STON1: variants seen among roughly 807,000 people sequenced by gnomAD.
STON1 encodes the protein stonin-1.
Under a neutral mutation model 60.9 loss-of-function variants are expected in STON1, and 79 were observed. The observed-to-expected ratio is 1.30, with a 90% confidence interval of 1.08 to 1.56. STON1 has a LOEUF of 1.56. STON1 is among the 40% of genes most tolerant of loss of function. STON1 has a pLI of 0.00. For missense variants in STON1, 1,166 were observed against 858.9 expected (o/e 1.36, Z -4.47); for synonymous variants, 363 against 306.9 (o/e 1.18, Z -1.91).
At chr2:48,551,661 G>T (rs776745264) in intron 1 of STON1, among the ~76,000 whole-genome samples, 18 of 152,238 alleles carry the variant, frequency 1.2e-4, no homozygotes, top group Non-Finnish European at 2.5e-4. Flanking sequence ...GAAGCAGTTA[G>T]TCTCCCGCAT....
rs1176086057 is a variant in STON1 at position 48,557,710 on chromosome 2, A to T, written c.-47-22877A>T. On this transcript the variant is annotated intron_variant, in intron 1 of 3. Coordinates refer to ENST00000404752, the MANE Select transcript of STON1 (RefSeq NM_006873.4). ...CACCTCGGGAGGCCGAGGTTGGCGG[A>T]TCACTCGCGGTTAGGGGCTAAGTGC... is the stretch of plus-strand genomic sequence containing the variant. Among the ~76,000 whole-genome samples the T allele has an allele frequency of 2.9e-5, 2 of 68,994 alleles. 1 individual carries two copies. Among genetic ancestry groups the T allele is most frequent in the East Asian group, 1.0e-3 (2 of 1,910 alleles). The allele number at this position is 68,994 out of a possible 152,430, so 45.3% of individuals were successfully genotyped here.
intron 1 of STON1, among the ~76,000 whole-genome samples, chr2:48,535,235 A>G (rs1419662254): frequency 6.7e-6 from 1 of 149,724 alleles, no homozygotes; most frequent in Non-Finnish European, 1.5e-5. Context: ...TAAGAAAGAG[A>G]AAAAAAAAAC....
At chr2:48,531,378 C>T (rs975538144) in intron 1 of STON1, 2 of 152,158 alleles carry the variant, frequency 1.3e-5, no homozygotes, top group Non-Finnish European at 2.9e-5. Context: ...ATAAAAACAG[C>T]CCTACTTATT....
intron 2 of STON1, among the ~76,000 whole-genome samples, chr2:48,584,614 A>G (rs902977594): frequency 6.1e-5 from 8 of 130,788 alleles, no homozygotes; most frequent in African/African-American, 2.0e-4. Flanking sequence ...AATCATCTCA[A>G]TGTTTAGGTT....
chr2:48,595,050 T>C (rs1572655874), intron 3 of STON1, among the ~76,000 whole-genome samples, 178 bp from the exon 4 acceptor site: 1 of 152,136 alleles, frequency 6.6e-6, no homozygotes, highest in East Asian at 1.9e-4. Flanking sequence ...GGCTCTGTTG[T>C]TCAAAAGGAG....
intron 2 of STON1, among the ~76,000 whole-genome samples, chr2:48,584,662 G>T (rs1674097152): frequency 6.6e-6 from 1 of 151,800 alleles, no homozygotes; most frequent in Admixed American, 6.6e-5. Flanking sequence ...TCTGGCGGGG[G>T]TGGGCGGTGG....
At chr2:48,536,139 C>T (rs1480797034) in intron 1 of STON1, among the ~76,000 whole-genome samples, 1 of 151,868 alleles carries the variant, frequency 6.6e-6, no homozygotes, top group African/African-American at 2.4e-5. Context: ...TTGTGATTAC[C>T]CAGTGAGCTG....
chr2:48,573,002 A>T (rs950097642), intron 1 of STON1, among the ~76,000 whole-genome samples: 1 of 152,240 alleles, frequency 6.6e-6, no homozygotes, highest in Non-Finnish European at 1.5e-5. Flanking sequence ...GCAGCAAATG[A>T]CAACAGTGAG....
chr2:48,554,732 T>TTATA lies in STON1; in HGVS notation c.-48+24519_-48+24520insATAT, dbSNP rs1672248670. 2.9e-5 allele frequency among the ~76,000 whole-genome samples: 2 copies of TTATA among 68,558 alleles called. 1 individual carries two copies. Among genetic ancestry groups the TTATA allele is most frequent in the African/African-American group, 1.0e-4 (2 of 19,522 alleles). The allele number at this position is 68,558 out of a possible 152,430, so 45.0% of individuals were successfully genotyped here. A position where few individuals can be genotyped will look rare whatever the true frequency, so the allele number is the denominator to read the frequency against. On this transcript the variant is annotated intron_variant, in intron 1 of 3. Transcript: ENST00000404752. ...ATTTTTTTTTTTTTTTTTTATTTAT[T>TTATA]TATTTATTTTTTTATTGATAATTCT... is the stretch of plus-strand genomic sequence containing the variant.
At chr2:48,546,345 A>G (rs1460986663) in intron 1 of STON1, among the ~76,000 whole-genome samples, 1 of 152,196 alleles carries the variant, frequency 6.6e-6, no homozygotes, top group Non-Finnish European at 1.5e-5. Context: ...CCCTGCAGTC[A>G]GGCTCTCTCC....
intron 1 of STON1, among the ~76,000 whole-genome samples, chr2:48,540,191 TCAG>T (rs1374449412): frequency 6.6e-6 from 1 of 152,202 alleles, no homozygotes; most frequent in Non-Finnish European, 1.5e-5. Flanking sequence ...ATATTTTTGT[TCAG>T]TGTTTTGAAG....
At chr2:48,541,406 G>A (rs537409399) in intron 1 of STON1, among the ~76,000 whole-genome samples, 29 of 150,998 alleles carry the variant, frequency 1.9e-4, no homozygotes, top group Admixed American at 1.7e-3. Flanking sequence ...GAAGTCGGCC[G>A]GGTGCAGTGG....
Position 48,539,755 on chromosome 2 carries a change from G to A in STON1, c.-48+9539G>A, listed in dbSNP as rs560487022. On this transcript the variant is annotated intron_variant, in intron 1 of 3. Transcript: ENST00000404752. ...TCTAAAGTGCTGGGATTACAGGCGT[G>A]AGCCACTGTATACATTTAACCTTAT... 6.6e-5 allele frequency among the ~76,000 whole-genome samples: 10 copies of A among 152,236 alleles called. No individual in the cohort carries two copies. The South Asian group carries it at 2.1e-3, about 32-fold the overall frequency.
chr2:48,588,943 G>A (rs911408182), intron 2 of STON1, among the ~76,000 whole-genome samples: 2 of 152,110 alleles, frequency 1.3e-5, no homozygotes, highest in Non-Finnish European at 2.9e-5. Flanking sequence ...CAGCAGAGGA[G>A]CTTAGGCTTT....
chr2:48,537,874 G>GA (rs955889959), intron 1 of STON1, among the ~76,000 whole-genome samples: 5 of 148,238 alleles, frequency 3.4e-5, no homozygotes, highest in African/African-American at 5.0e-5. Context: ...AAAAAAAAAG[G>GA]AAAAAAAAAG....
At chr2:48,540,340 C>T (rs1410530568) in intron 1 of STON1, among the ~76,000 whole-genome samples, 2 of 152,202 alleles carry the variant, frequency 1.3e-5, no homozygotes, top group African/African-American at 4.8e-5. Flanking sequence ...AGGCAGCCCT[C>T]TGACCTTCTG....
chr2:48,583,616 G>GTT (rs35565944), intron 2 of STON1, among the ~76,000 whole-genome samples: 102 of 142,826 alleles, frequency 7.1e-4, no homozygotes, highest in Middle Eastern at 3.7e-3. Context: ...AGGGTTGTTG[G>GTT]TTTTTTTTTT....
chr2:48,564,596 CCTCCTCCTT>C lies in STON1; in HGVS notation c.-47-15985_-47-15977del, dbSNP rs1406927187. Among the ~76,000 whole-genome samples the C allele has an allele frequency of 1.2e-4, 5 of 43,244 alleles. 2 individuals carry two copies. Among genetic ancestry groups the C allele is most frequent in the Non-Finnish European group, 2.7e-4 (5 of 18,368 alleles). 28.4% of individuals were successfully genotyped at this position (43,244 alleles called of 152,430 possible). On this transcript the variant is annotated intron_variant, in intron 1 of 3. Transcript: ENST00000404752. ...TTCTCCTTCTCCTCCTCCTCCTCCT[CCTCCTCCTT>C]CTCCTTCTCCTTCTCCTTCTCCTTC...
In STON1 at chr2:48,597,834, A is replaced by C. The variant is rs958611768; in HGVS notation, c.*2532A>C. On this transcript the variant is annotated 3_prime_UTR_variant, in exon 4 of 4. Transcript: ENST00000404752. ...GACCTCAGAACTGGCAGAAGGTCAG[A>C]TGTGACTACAGAACTCTAGGTGAAA... 3 of 152,360 alleles carry C rather than the reference A, an allele frequency of 2.0e-5. No individual in the cohort carries two copies. Among genetic ancestry groups the C allele is most frequent in the Admixed American group, 6.5e-5 (1 of 15,278 alleles). The allele number at this position is 152,360 out of a possible 1,614,324, so 9.4% of individuals were successfully genotyped here. A position where few individuals can be genotyped will look rare whatever the true frequency, so the allele number is the denominator to read the frequency against.
Sources: allele counts gnomAD v4.1 joint callset (sites outside exome capture counted in the v4.1 genomes callset), GRCh38; gene constraint gnomAD v4.1.1; transcripts MANE v1.5; gene names NCBI Gene and HGNC (gene_info 2026-07-23, HGNC 2026-07-21).